The following SYT14 variants were observed in gnomAD, a reference collection of about 807,000 sequenced individuals.
SYT14 encodes synaptotagmin 14, also known as synaptotagmin-14.
In SYT14, 32 loss-of-function variants were observed where a neutral mutation model predicts 74.2. That is an observed-to-expected ratio of 0.43 (90% confidence interval 0.33 to 0.58). SYT14 has a LOEUF of 0.58. Ranked by LOEUF, SYT14 falls within the 20% of genes least tolerant of loss-of-function variation. The probability of loss-of-function intolerance (pLI) is 0.05; values close to 1 mark genes in which losing one functional copy is unlikely to be tolerated. For synonymous variants in SYT14, 298 were observed against 337.7 expected (o/e 0.88, Z 1.29); for missense variants, 791 against 981.8 (o/e 0.81, Z 2.60).
exon 10 of SYT14, chr1:210,170,987 C>T (rs1012793718): frequency 6.6e-6 from 1 of 152,122 alleles, no homozygotes; most frequent in Non-Finnish European, 1.5e-5. Flanking sequence ...GTATCTTCAG[C>T]TGGAATATGA....
chr1:209,977,734 C>A (rs994512703), intron 2 of SYT14, among the ~76,000 whole-genome samples: 1 of 152,028 alleles, frequency 6.6e-6, no homozygotes, highest in African/African-American at 2.4e-5. Context: ...CTGTATTTCC[C>A]GAATTTGAAT....
intron 5 of SYT14, among the ~76,000 whole-genome samples, chr1:210,027,530 A>AG (rs2102979231): frequency 6.6e-6 from 1 of 152,228 alleles, no homozygotes; most frequent in African/African-American, 2.4e-5. Flanking sequence ...GAGGAGGAAG[A>AG]GGAGGGGTTG....
chr1:209,969,635 G>A (rs1262271503), intron 2 of SYT14, among the ~76,000 whole-genome samples: 10 of 151,714 alleles, frequency 6.6e-5, no homozygotes, highest in Non-Finnish European at 1.2e-4. Context: ...CTACAGGCGC[G>A]TGCCACCACA....
intron 7 of SYT14, among the ~76,000 whole-genome samples, chr1:210,129,128 G>A (rs4844946): frequency 0.032 from 4,928 of 152,178 alleles, 568 homozygotes; most frequent in Admixed American, 0.23. Flanking sequence ...CATATAAAAA[G>A]CCAGAGATTA....
chr1:210,094,230 TC>T (rs2081928117), intron 5 of SYT14, 91 bp from the exon 5 acceptor site: 3 of 1,549,970 alleles, frequency 1.9e-6, no homozygotes, highest in Admixed American at 3.4e-5. Context: ...AATTTTTTGA[TC>T]CAGTTTTCAA....
chr1:210,049,243 G>A (rs2080942899), intron 5 of SYT14, among the ~76,000 whole-genome samples: 3 of 152,092 alleles, frequency 2.0e-5, no homozygotes, highest in Admixed American at 6.5e-5. Context: ...ACTCTGTGTG[G>A]GTGCTTCGAC....
chr1:210,161,673 T>A, exon 10 of SYT14: 2 of 453,750 alleles, frequency 4.4e-6, no homozygotes, highest in South Asian at 1.6e-5. Flanking sequence ...GGAATTTTTT[T>A]AATATGTTAT....
intron 5 of SYT14, among the ~76,000 whole-genome samples, chr1:210,022,574 AAT>A (rs1485836943): frequency 8.5e-5 from 13 of 152,192 alleles, no homozygotes; most frequent in Non-Finnish European, 1.9e-4. Context: ...CATATCTCTT[AAT>A]ATATTAGCTG....
intron 7 of SYT14, among the ~76,000 whole-genome samples, chr1:210,109,113 A>T (rs1349237145): frequency 1.3e-5 from 2 of 151,940 alleles, no homozygotes; most frequent in Admixed American, 6.6e-5. Flanking sequence ...ACAAGAAAAA[A>T]ACAACTCCAT....
At chr1:210,079,682 T>C (rs1048362460) in intron 5 of SYT14, among the ~76,000 whole-genome samples, 1 of 151,676 alleles carries the variant, frequency 6.6e-6, no homozygotes, top group Non-Finnish European at 1.5e-5. Flanking sequence ...GAAAAAAAAA[T>C]GTAAGAAAAA....
chr1:209,969,691 G>A (rs2079215402), intron 2 of SYT14, among the ~76,000 whole-genome samples: 1 of 151,954 alleles, frequency 6.6e-6, no homozygotes, highest in Non-Finnish European at 1.5e-5. Flanking sequence ...GTTTCACCGT[G>A]TTAGCCAGGA....
At chr1:210,073,009 TAA>T (rs11299416) in intron 5 of SYT14, among the ~76,000 whole-genome samples, 2,941 of 144,136 alleles carry the variant, frequency 0.02, 46 homozygotes, top group African/African-American at 0.049. Context: ...TTGCAATCTG[TAA>T]AAAAAAAAAA....
At chr1:210,141,892 C>T (rs901550360) in intron 7 of SYT14, among the ~76,000 whole-genome samples, 1 of 152,182 alleles carries the variant, frequency 6.6e-6, no homozygotes, top group Non-Finnish European at 1.5e-5. Flanking sequence ...GCTAGATTTC[C>T]AGAAATGCCT....
chr1:210,088,194 A>T (rs1572276999), intron 5 of SYT14, among the ~76,000 whole-genome samples: 3 of 137,182 alleles, frequency 2.2e-5, no homozygotes, highest in Non-Finnish European at 1.5e-5. Flanking sequence ...TTTTTTTTAC[A>T]GTGAGTTTTT....
chr1:209,938,652 C>G lies in SYT14; in HGVS notation c.-534+375C>G, dbSNP rs538337106. Among the ~76,000 whole-genome samples the G allele has an allele frequency of 2.7e-4, 41 of 152,206 alleles. No homozygotes were observed. In the East Asian group the frequency reaches 6.6e-3, roughly 25 times the overall value. ...ACGGGCTGGGAGGAGCGAGGGGCCA[C>G]GGGGGGCTCAGGCTGCCCTTTCTTT... On this transcript the variant is annotated intron_variant, in intron 1 of 9. Coordinates refer to ENST00000637265, the Ensembl canonical transcript of SYT14.
intron 1 of SYT14, among the ~76,000 whole-genome samples, chr1:209,949,316 T>G (rs1182530327): frequency 6.6e-6 from 1 of 152,180 alleles, no homozygotes; most frequent in African/African-American, 2.4e-5. Context: ...GGCTCATGCC[T>G]GTAATCCTAG....
chr1:210,136,827 A>T (rs1020121412), intron 7 of SYT14, among the ~76,000 whole-genome samples: 20 of 152,158 alleles, frequency 1.3e-4, no homozygotes, highest in African/African-American at 4.3e-4. Context: ...AAATCAAATA[A>T]CTTAGTGTGC....
intron 2 of SYT14, among the ~76,000 whole-genome samples, chr1:209,988,967 T>C (rs2079617993): frequency 6.6e-6 from 1 of 152,190 alleles, no homozygotes; most frequent in African/African-American, 2.4e-5. Flanking sequence ...TACTCCCAGG[T>C]TTATCTCCTC....
exon 10 of SYT14, chr1:210,164,691 T>G (rs2083437418): frequency 6.6e-6 from 1 of 152,132 alleles, no homozygotes; most frequent in Admixed American, 6.5e-5. Flanking sequence ...AGGACACAAA[T>G]TCATTTGCGT....
Sources: allele counts gnomAD v4.1 joint callset (sites outside exome capture counted in the v4.1 genomes callset), GRCh38; gene constraint gnomAD v4.1.1; transcripts MANE v1.5; gene names NCBI Gene and HGNC (gene_info 2026-07-23, HGNC 2026-07-21).